Variants in EYS observed in about 807,000 individuals in gnomAD.
The protein encoded by EYS is EGF-like photoreceptor maintenance factor.
A neutral mutation model predicts 282.1 loss-of-function variants in EYS; 250 were observed. The observed-to-expected ratio is 0.89, with a 90% CI of 0.80 to 0.98. The LOEUF is 0.98. EYS is among the 50% of genes least tolerant of loss of function. The pLI is 0.00. For synonymous variants in EYS, 1,355 were observed against 1,282.9 expected (o/e 1.06, Z -1.20); for missense variants, 4,016 against 3,709.0 (o/e 1.08, Z -2.15).
intron 32 of EYS, among the ~76,000 whole-genome samples, chr6:64,079,882 A>G (rs575927999): frequency 6.6e-6 from 1 of 152,084 alleles, no homozygotes; most frequent in Non-Finnish European, 1.5e-5. Context: ...TCCATGTCCC[A>G]ACAAAGGACA....
At chr6:64,414,675 A>G (rs1005353028) in intron 28 of EYS, among the ~76,000 whole-genome samples, 2 of 152,174 alleles carry the variant, frequency 1.3e-5, no homozygotes, top group Non-Finnish European at 2.9e-5. Flanking sequence ...TAAGAAAAGG[A>G]AAGCTCACTG....
At chr6:65,203,286 CA>C (rs1323299945) in intron 12 of EYS, among the ~76,000 whole-genome samples, 1 of 152,130 alleles carries the variant, frequency 6.6e-6, no homozygotes, top group Non-Finnish European at 1.5e-5. Flanking sequence ...GTGAGCTGCA[CA>C]ACCCAACATA....
At chr6:65,346,053 A>G (rs1230853235) in intron 9 of EYS, among the ~76,000 whole-genome samples, 2 of 151,860 alleles carry the variant, frequency 1.3e-5, no homozygotes, top group Admixed American at 6.6e-5. Flanking sequence ...ACAAACAAAC[A>G]ATTTCCGAGG....
intron 12 of EYS, among the ~76,000 whole-genome samples, chr6:65,200,391 A>G (rs964939815): frequency 6.6e-6 from 1 of 151,596 alleles, no homozygotes; most frequent in Non-Finnish European, 1.5e-5. Context: ...CATATTCAAG[A>G]AAGTGGTAAT....
intron 2 of EYS, among the ~76,000 whole-genome samples, chr6:65,497,618 A>C (rs1766301238): frequency 6.6e-6 from 1 of 152,048 alleles, no homozygotes; most frequent in African/African-American, 2.4e-5. Flanking sequence ...CTCATATTTT[A>C]TTCGAGAGCA....
intron 22 of EYS, among the ~76,000 whole-genome samples, chr6:64,807,078 ATACT>A: frequency 6.6e-6 from 1 of 152,282 alleles, no homozygotes; most frequent in East Asian, 1.9e-4. Flanking sequence ...ATGGTTAATA[ATACT>A]TATGGATTTC....
chr6:64,129,100 T>G (rs1472451508), intron 31 of EYS, among the ~76,000 whole-genome samples: 1 of 152,230 alleles, frequency 6.6e-6, no homozygotes, highest in Non-Finnish European at 1.5e-5. Context: ...ATAGATGTTT[T>G]GCACTACACA....
intron 33 of EYS, among the ~76,000 whole-genome samples, chr6:64,029,560 A>T (rs1490050499): frequency 6.6e-6 from 1 of 152,210 alleles, no homozygotes; most frequent in Non-Finnish European, 1.5e-5. Context: ...CTCCCAGAGG[A>T]TGGGGAACCA....
Position 63,806,094 on chromosome 6 carries a change from C to CTT in EYS, c.7411+94_7411+95dup, listed in dbSNP as rs138375660. 9.7e-6 allele frequency: 11 copies of CTT among 1,133,120 alleles called. No homozygotes were observed. The African/African-American group carries it at 1.6e-4, about 16-fold the overall frequency. The allele number at this position is 1,133,120 out of a possible 1,614,324, so 70.2% of individuals were successfully genotyped here. On this transcript the variant is annotated intron_variant, in intron 37 of 42. Coordinates refer to ENST00000503581, the MANE Select transcript of EYS (RefSeq NM_001142800.2). ...GAGGAGGCTGCATCTAGGCAAAGGT[C>CTT]TTTTTTTTACCACAGCCAATTAGAG...
At chr6:64,256,333 G>T (rs780608430) in intron 30 of EYS, among the ~76,000 whole-genome samples, 8 of 151,952 alleles carry the variant, frequency 5.3e-5, no homozygotes, top group Non-Finnish European at 5.9e-5. Flanking sequence ...CTTCATTGTG[G>T]TTGCTTTCAG....
chr6:64,165,962 T>A (rs1468906825), intron 31 of EYS, among the ~76,000 whole-genome samples: 2 of 152,182 alleles, frequency 1.3e-5, no homozygotes, highest in African/African-American at 4.8e-5. Flanking sequence ...CTAAGATCTT[T>A]CCTCCTCCAT....
intron 26 of EYS, among the ~76,000 whole-genome samples, chr6:64,440,497 GGACT>G (rs1774903479): frequency 1.3e-5 from 2 of 152,000 alleles, no homozygotes; most frequent in South Asian, 2.1e-4. Flanking sequence ...GTTTAATCAA[GGACT>G]GACTTCATTA....
At chr6:65,700,113 T>TCAA (rs1769614144) in intron 1 of EYS, among the ~76,000 whole-genome samples, 7 of 17,604 alleles carry the variant, frequency 4.0e-4, no homozygotes, top group Non-Finnish European at 6.2e-4. Flanking sequence ...AGACTCCGTC[T>TCAA]CAAAAAAAAA....
At chr6:64,936,633 A>G (rs1477199930) in intron 15 of EYS, among the ~76,000 whole-genome samples, 1 of 151,504 alleles carries the variant, frequency 6.6e-6, no homozygotes, top group African/African-American at 2.4e-5. Flanking sequence ...ATACACTAGC[A>G]AAGAACAATC....
Position 64,570,598 on chromosome 6 carries a change from C to G in EYS, c.5644+19625G>C, listed in dbSNP as rs560786961. On this transcript the variant is annotated intron_variant, in intron 26 of 42. Transcript: ENST00000503581. Reference sequence around the variant, plus strand: ...AAGAGATGGAGAAATATTTACCGAGCAAATTGAAAGCAAAAAAAAGCAGGG... The same window carrying G: ...AAGAGATGGAGAAATATTTACCGAGGAAATTGAAAGCAAAAAAAAGCAGGG... 1.1e-3 allele frequency among the ~76,000 whole-genome samples: 163 copies of G among 151,906 alleles called. 1 individual carries two copies. Among genetic ancestry groups the G allele is most frequent in the Middle Eastern group, 6.8e-3 (2 of 294 alleles).
chr6:65,061,938 T>C lies in EYS; in HGVS notation c.2024-4211A>G, dbSNP rs549080606. ...TCTGTTTCTTCTTACTCTTTATTTT[T>C]TTGTGGTCTGTCCTAAATCCTGAAT... On this transcript the variant is annotated intron_variant, in intron 12 of 42. Transcript: ENST00000503581. Among the ~76,000 whole-genome samples, 5 of 152,108 alleles carry C rather than the reference T, an allele frequency of 3.3e-5. No homozygotes were observed. In the East Asian group the frequency reaches 9.7e-4, roughly 29 times the overall value.
intron 22 of EYS, among the ~76,000 whole-genome samples, chr6:64,765,709 A>C (rs995140346): frequency 1.3e-5 from 2 of 152,148 alleles, no homozygotes; most frequent in Non-Finnish European, 2.9e-5. Context: ...GGAGAGAAAG[A>C]AAGAGCAAGG....
intron 12 of EYS, among the ~76,000 whole-genome samples, chr6:65,190,668 T>C (rs942387983): frequency 6.6e-6 from 1 of 151,834 alleles, no homozygotes; most frequent in African/African-American, 2.4e-5. Context: ...ATTGTTTATG[T>C]ATATGCATTC....
At chr6:63,888,428 C>G (rs1773322218) in intron 35 of EYS, among the ~76,000 whole-genome samples, 1 of 152,254 alleles carries the variant, frequency 6.6e-6, no homozygotes, top group South Asian at 2.1e-4. Context: ...TGGGGCGAAG[C>G]TTCCAGAGGA....
Sources: gnomAD v4.1 joint callset for allele counts (sites outside exome capture counted in the v4.1 genomes callset) on GRCh38, gnomAD v4.1.1 for gene constraint, MANE v1.5 for transcripts, NCBI Gene and HGNC (gene_info 2026-07-23, HGNC 2026-07-21) for gene names.